The following ZNF404 variants were observed in gnomAD, a reference collection of about 807,000 sequenced individuals.
ZNF404 encodes the protein zinc finger protein 404.
ZNF404 carries 7 observed loss-of-function variants against 7.3 expected under a neutral mutation model. That is an observed-to-expected ratio of 0.95 (90% CI 0.54 to 1.79). ZNF404 has a LOEUF of 1.79. Among genes scored for constraint, ZNF404 ranks in the 40% most tolerant of loss-of-function variants. The probability of loss-of-function intolerance (pLI) is 0.00; values close to 1 mark genes in which losing one functional copy is unlikely to be tolerated. For missense variants in ZNF404, 560 were observed against 661.5 expected, an observed-to-expected ratio of 0.85 and a Z score of 1.68; for synonymous variants, 191 against 209.9, an observed-to-expected ratio of 0.91 and a Z score of 0.78.
chr19:43,883,733 AACAC>A (rs1320796466), intron 1 of ZNF404, among the ~76,000 whole-genome samples: 1 of 152,200 alleles, frequency 6.6e-6, no homozygotes, highest in Non-Finnish European at 1.5e-5. Context: ...GAGAAGACTG[AACAC>A]ACAGAAGATG....
In ZNF404 at chr19:43,883,065, T is replaced by TACTCTATCCTGGGTGACAGAGTGAG. The variant is rs1313564156; in HGVS notation, c.9+866_9+890dup. Among the ~76,000 whole-genome samples, 15 of 151,594 alleles carry TACTCTATCCTGGGTGACAGAGTGAG rather than the reference T, an allele frequency of 9.9e-5. No homozygotes were observed. The East Asian group carries it at 1.9e-3, about 20-fold the overall frequency. On this transcript the variant is annotated intron_variant, in intron 1 of 2. Transcript: ENST00000587539. ...GCAGTGAGCCAAGATAACGCCACTG[T>TACTCTATCCTGGGTGACAGAGTGAG]ACTCTATCCTGGGTGACAGAGTGAG...
intron 2 of ZNF404, among the ~76,000 whole-genome samples, chr19:43,874,386 C>G (rs1414431605): frequency 2.6e-5 from 4 of 152,058 alleles, no homozygotes. Context: ...TCCACTCAGA[C>G]TGAGTGGATC....
At position 43,872,708 on chromosome 19, in the gene ZNF404, C is replaced by T; in HGVS notation, c.1506G>A (p.Lys502=). The T allele has an allele frequency of 1.2e-6, 2 of 1,613,408 alleles. No individual in the cohort carries two copies. Among genetic ancestry groups the T allele is most frequent in the South Asian group, 2.2e-5 (2 of 91,032 alleles). ...EKPYECKECD[K]AFNRSDRLTQ... is the part of the protein sequence containing the mutation. ...TAAGTCGATCACTGCGATTAAAGGC[C>T]TTATCACATTCTTTACATTCATAGG... Residue 502 remains lysine, a synonymous_variant, in exon 3 of 3, where the codon AAG becomes AAA. Coordinates refer to ENST00000587539, the MANE Select transcript of ZNF404 (RefSeq NM_001033719.3). This position sits in a 1 kb window ranked among gnomAD's most constrained non-coding sequence, Gnocchi z 4.4.
rs777391021 is a variant in ZNF404 at position 43,872,817 on chromosome 19, G to A, written c.1397C>T (p.Pro466Leu). ...YHQTIHTGLK[P>L]YVCKECKKAF... ...CTTCTTACATTCTTTACATACATAG[G>A]GTTTCAAACCAGTATGAATTGTCTG... is the stretch of plus-strand genomic sequence containing the variant. The change falls in exon 3 of 3, where the codon CCC becomes CTC. Residue 466 changes from proline (P) to leucine (L), a missense_variant. Transcript: ENST00000587539. This position sits in a 1 kb window ranked among gnomAD's most constrained non-coding sequence, Gnocchi z 4.4. 1 of 1,610,144 alleles carries A rather than the reference G, an allele frequency of 6.2e-7. No homozygotes were observed. Among genetic ancestry groups the A allele is most frequent in the African/African-American group, 1.3e-5 (1 of 74,806 alleles).
At chr19:43,882,555 C>T (rs1477946089) in intron 1 of ZNF404, among the ~76,000 whole-genome samples, 1 of 152,080 alleles carries the variant, frequency 6.6e-6, no homozygotes, top group African/African-American at 2.4e-5. Flanking sequence ...AACTCTCATA[C>T]ACTGTTGGTG....
At chr19:43,883,149 T>C (rs1434782034) in intron 1 of ZNF404, among the ~76,000 whole-genome samples, 1 of 152,094 alleles carries the variant, frequency 6.6e-6, no homozygotes, top group East Asian at 1.9e-4. Context: ...ATTAGATTCA[T>C]CTTTCTTAAG....
At chr19:43,874,881 T>C (rs1247717222) in intron 2 of ZNF404, among the ~76,000 whole-genome samples, 2 of 152,174 alleles carry the variant, frequency 1.3e-5, no homozygotes, top group Non-Finnish European at 2.9e-5. Flanking sequence ...GTCCCTACCA[T>C]TGGTAAGTAT....
chr19:43,877,620 A>C (rs1035594624), intron 2 of ZNF404, among the ~76,000 whole-genome samples: 1 of 151,274 alleles, frequency 6.6e-6, no homozygotes, highest in Non-Finnish European at 1.5e-5. Flanking sequence ...TTTAGGGTAC[A>C]TGTGCACATT....
chr19:43,874,118 T>TA (rs750750452), intron 2 of ZNF404, 41 bp from the exon 3 acceptor site: 1 of 1,339,450 alleles, frequency 7.5e-7, no homozygotes, highest in Admixed American at 2.7e-5. Context: ...TATTTTCCAA[T>TA]AATAGGGGTA....
At chr19:43,881,582 TAGAA>T (rs1452872227) in intron 1 of ZNF404, 1 of 152,102 alleles carries the variant, frequency 6.6e-6, no homozygotes, top group Non-Finnish European at 1.5e-5. Flanking sequence ...TCTAAACAAA[TAGAA>T]AGCTATAATA....
chr19:43,872,926 G>A lies in ZNF404; in HGVS notation c.1288C>T (p.Gln430Ter). The change falls in exon 3 of 3, where the codon CAA (glutamine) becomes TAA (stop). Residue 430 changes from glutamine (Q) to a stop codon, truncating the protein, a stop_gained. Transcript: ENST00000587539. LOFTEE classifies it low-confidence loss of function (END_TRUNC). The surrounding 1 kb of genome is among the most constrained non-coding windows in gnomAD (Gnocchi z 4.4). ...FSRVGDLKTH[Q>*]SIHAGEKPYE... ...GGTTTCTCCCCAGCATGAATTGATT[G>A]ATGTGTCTTAAGGTCTCCAACACGA... The A allele has an allele frequency of 6.2e-7, 1 of 1,607,986 alleles. No homozygotes were observed. The highest frequency in any genetic ancestry group is 2.2e-5 in the East Asian group (1 of 44,756).
rs1473780758 is a variant in ZNF404, at chr19:43,873,719, T to C, written c.495A>G (p.Gly165=). 1 of 1,611,424 alleles carries C rather than the reference T, an allele frequency of 6.2e-7. No individual in the cohort carries two copies. Among genetic ancestry groups the C allele is most frequent in the Non-Finnish European group, 8.5e-7 (1 of 1,179,654 alleles). The change falls in exon 3 of 3, where the codon GGA becomes GGG. Residue 165 remains glycine (G), a synonymous_variant. Transcript: ENST00000587539. ...GVIPYECNEC[G]KAFVVFQHFI... ...AATGCTGGAAAACTACAAATGCTTT[T>C]CCACATTCATTACATTCATAGGGTA...
chr19:43,872,510 G>A lies in ZNF404; in HGVS notation c.*45C>T. 6.9e-7 allele frequency: 1 copy of A among 1,447,204 alleles called. No individual in the cohort carries two copies. Among genetic ancestry groups the A allele is most frequent in the Non-Finnish European group, 9.3e-7 (1 of 1,080,820 alleles). 89.6% of individuals were successfully genotyped at this position (1,447,204 alleles called of 1,614,324 possible). On this transcript the variant is annotated 3_prime_UTR_variant, in exon 3 of 3. Transcript: ENST00000587539. This position sits in a 1 kb window ranked among gnomAD's most constrained non-coding sequence, Gnocchi z 4.4. ...TAATCTTCACTATAGCATCATAATA[G>A]TGACAACAGTAAAAATGTGCCATGG...
Position 43,872,836 on chromosome 19 carries a change from T to C in ZNF404, c.1378A>G (p.Ile460Val), listed in dbSNP as rs770622488. Residue 460 changes from isoleucine to valine, a missense_variant, in exon 3 of 3, where the codon ATT becomes GTT. Transcript: ENST00000587539. This position sits in a 1 kb window ranked among gnomAD's most constrained non-coding sequence, Gnocchi z 4.4. ...LNSQLIYHQT[I>V]HTGLKPYVCK... ...ACATAGGGTTTCAAACCAGTATGAA[T>C]TGTCTGATGATAAATTAGTTGAGAA... The C allele has an allele frequency of 1.1e-5, 18 of 1,609,762 alleles. No individual in the cohort carries two copies. The highest frequency in any genetic ancestry group is 2.2e-5 in the East Asian group (1 of 44,842).
intron 1 of ZNF404, among the ~76,000 whole-genome samples, chr19:43,881,078 A>G (rs1971891364): frequency 6.6e-6 from 1 of 152,210 alleles, no homozygotes; most frequent in African/African-American, 2.4e-5. Flanking sequence ...AAAGAAGGGA[A>G]CATCCTTAAC....
chr19:43,881,870 T>G (rs1370176613), intron 1 of ZNF404: 8 of 150,080 alleles, frequency 5.3e-5, no homozygotes, highest in Admixed American at 4.0e-4. Flanking sequence ...GGCAAGAGAA[T>G]TGCTTGAACC....
intron 1 of ZNF404, among the ~76,000 whole-genome samples, chr19:43,882,202 A>G (rs1971901246): frequency 6.6e-6 from 1 of 152,198 alleles, no homozygotes; most frequent in Admixed American, 6.5e-5. Flanking sequence ...ATAGACCTAC[A>G]CGTATCTAGA....
At position 43,873,963 on chromosome 19, in the gene ZNF404, A is replaced by G. The variant is rs760920299; in HGVS notation, c.251T>C (p.Phe84Ser). The G allele has an allele frequency of 1.1e-5, 17 of 1,613,056 alleles. No homozygotes were observed. Among genetic ancestry groups the G allele is most frequent in the Non-Finnish European group, 1.4e-5 (17 of 1,179,500 alleles). The change falls in exon 3 of 3, where the codon TTT becomes TCT. Residue 84 changes from phenylalanine (F) to serine (S), a missense_variant. Physicochemically the swap from Phe to Ser is radical, Grantham distance 155. Coordinates refer to ENST00000587539, the MANE Select transcript of ZNF404 (RefSeq NM_001033719.3). ...KRNKTFNLMR[F>S]IFRTDPQYTI... ...GTACTGTGGGTCAGTTCTGAAAATAAACCTCATAAGGTTGAAGGTTTTATT... is the reference window on the plus strand; with the variant it reads ...GTACTGTGGGTCAGTTCTGAAAATAGACCTCATAAGGTTGAAGGTTTTATT...
At chr19:43,883,930 G>A (rs746129180) in intron 1 of ZNF404, 26 bp downstream of exon 1, 10 of 1,598,008 alleles carry the variant, frequency 6.3e-6, no homozygotes, top group Non-Finnish European at 8.5e-6. Context: ...CAATAAGTCA[G>A]AAAAGCAAAA....
Sources: allele counts gnomAD v4.1 joint callset (sites outside exome capture counted in the v4.1 genomes callset), GRCh38; gene constraint gnomAD v4.1.1; non-coding constraint Gnocchi (gnomAD v3.1); transcripts MANE v1.5; gene names NCBI Gene and HGNC (gene_info 2026-07-23, HGNC 2026-07-21).